The following SLC27A2 variants were observed in gnomAD, a reference collection of about 807,000 sequenced individuals.
SLC27A2 encodes long-chain fatty acid transport protein 2.
In SLC27A2, 54 loss-of-function variants were observed where a neutral mutation model predicts 60.0. That is an observed-to-expected ratio of 0.90 (90% CI 0.72 to 1.13). The LOEUF (loss-of-function observed/expected upper bound fraction) is 1.13, where lower values mean the gene tolerates loss of function less well. Ranked by LOEUF, SLC27A2 falls within the 50% of genes most tolerant of loss-of-function variation. The pLI is 0.00. For missense variants in SLC27A2, 739 were observed against 777.6 expected, an observed-to-expected ratio of 0.95 and a Z score of 0.59; for synonymous variants, 297 against 297.6, an observed-to-expected ratio of 1.00 and a Z score of 0.02.
chr15:50,185,664 C>G (rs1057174486), intron 1 of SLC27A2, among the ~76,000 whole-genome samples: 6 of 121,468 alleles, frequency 4.9e-5, no homozygotes, highest in Non-Finnish European at 8.0e-5. Context: ...GAATCTCGCT[C>G]TTTCGCCCAG....
chr15:50,226,005 C>A lies in SLC27A2; in HGVS notation c.1185C>A (p.Asp395Glu). The change falls in exon 6 of 10, where the codon GAC becomes GAA. Residue 395 changes from aspartate (D) to glutamate (E), a missense_variant. Coordinates refer to ENST00000267842, the MANE Select transcript of SLC27A2 (RefSeq NM_003645.4). The part of the protein sequence containing the change: ...NYLQKKIITY[D>E]LIKYDVEKDE... ...CTTGCTAGAAAATCATAACTTATGA[C>A]CTGATTAAATATGATGTGGAGAAAG... The A allele has an allele frequency of 1.9e-6, 3 of 1,596,978 alleles. No homozygotes were observed. Among genetic ancestry groups the A allele is most frequent in the Non-Finnish European group, 2.6e-6 (3 of 1,164,592 alleles).
intron 4 of SLC27A2, among the ~76,000 whole-genome samples, chr15:50,217,608 G>C (rs28715470): frequency 0.15 from 23,014 of 152,128 alleles, 1,796 homozygotes; most frequent in Middle Eastern, 0.18. Context: ...GTGCAGCCCA[G>C]CTAGCAGTAG....
intron 3 of SLC27A2, among the ~76,000 whole-genome samples, chr15:50,202,849 C>A (rs2140902411): frequency 1.3e-5 from 2 of 152,000 alleles, no homozygotes; most frequent in Non-Finnish European, 2.9e-5. Flanking sequence ...TAATGTAATG[C>A]TATAATTGTT....
chr15:50,196,053 C>CAAAAAAAAAAAAAATAAAAAAAA (rs1567428267), intron 1 of SLC27A2, among the ~76,000 whole-genome samples: 1 of 1,820 alleles, frequency 5.5e-4, no homozygotes, highest in South Asian at 0.028. Flanking sequence ...GACTCTGTCT[C>CAAAAAAAAAAAAAATAAAAAAAA]AAAAAAAAAA....
chr15:50,187,420 T>C (rs1424496025), intron 1 of SLC27A2, among the ~76,000 whole-genome samples: 1 of 152,248 alleles, frequency 6.6e-6, no homozygotes, highest in East Asian at 1.9e-4. Flanking sequence ...CAATATGGGA[T>C]ATTTTATAAA....
At chr15:50,206,247 A>G (rs1419734230) in intron 4 of SLC27A2, among the ~76,000 whole-genome samples, 2 of 152,072 alleles carry the variant, frequency 1.3e-5, no homozygotes, top group Non-Finnish European at 2.9e-5. Flanking sequence ...TGATCATCAA[A>G]ATGTCTCCAG....
chr15:50,200,361 G>C (rs2045054422), intron 2 of SLC27A2, among the ~76,000 whole-genome samples: 1 of 152,158 alleles, frequency 6.6e-6, no homozygotes, highest in Non-Finnish European at 1.5e-5. Context: ...TGAGGCTGTG[G>C]TGAGCCTTGA....
intron 2 of SLC27A2, 126 bp from the exon 3 acceptor site, chr15:50,202,361 G>A: frequency 2.2e-6 from 2 of 906,636 alleles, no homozygotes; most frequent in Non-Finnish European, 3.4e-6. Context: ...GGACTAACTG[G>A]TCATGGCCCT....
Position 50,233,916 on chromosome 15 carries a change from A to G in SLC27A2, c.1604A>G (p.His535Arg). 1.9e-6 allele frequency: 3 copies of G among 1,613,862 alleles called. No homozygotes were observed. Among genetic ancestry groups the G allele is most frequent in the South Asian group, 1.1e-5 (1 of 91,078 alleles). Residue 535 changes from histidine (H) to arginine (R), a missense_variant, in exon 9 of 10, where the codon CAT becomes CGT. Coordinates refer to ENST00000267842, the MANE Select transcript of SLC27A2 (RefSeq NM_003645.4). The part of the protein sequence containing the change: ...GMASIKMKEN[H>R]EFDGKKLFQH... ...GCCTCCATCAAAATGAAAGAAAACC[A>G]TGAATTTGATGGAAAGAAACTCTTT...
Position 50,189,036 on chromosome 15 carries a change from A to T in SLC27A2, c.478+6131A>T, listed in dbSNP as rs1229479253. Among the ~76,000 whole-genome samples the T allele has an allele frequency of 5.8e-3, 869 of 150,030 alleles. 10 individuals carry two copies. The highest frequency in any genetic ancestry group is 0.02 in the African/African-American group (815 of 40,694). On this transcript the variant is annotated intron_variant, in intron 1 of 9. Coordinates refer to ENST00000267842, the MANE Select transcript of SLC27A2 (RefSeq NM_003645.4). The stretch of plus-strand genomic sequence containing the variant: ...ATAGATAGATAGATAGATGCATACA[A>T]ACATACATACATACATACATACATA...
At chr15:50,208,395 T>C (rs1037821854) in intron 4 of SLC27A2, among the ~76,000 whole-genome samples, 4 of 152,176 alleles carry the variant, frequency 2.6e-5, no homozygotes, top group Non-Finnish European at 4.4e-5. Context: ...GACTCTGGCA[T>C]TGGAGCAGGA....
chr15:50,206,911 C>T (rs946696658), intron 4 of SLC27A2, among the ~76,000 whole-genome samples: 3 of 152,154 alleles, frequency 2.0e-5, no homozygotes, highest in East Asian at 1.9e-4. Context: ...AATAGATTCT[C>T]GAGGATCATC....
chr15:50,218,514 A>C (rs893032353), intron 4 of SLC27A2, among the ~76,000 whole-genome samples: 5 of 152,206 alleles, frequency 3.3e-5, no homozygotes, highest in African/African-American at 1.2e-4. Context: ...GATGAAATTT[A>C]AGACTACCAA....
At chr15:50,202,363 C>A in intron 2 of SLC27A2, 124 bp from the exon 3 acceptor site, 1 of 925,714 alleles carries the variant, frequency 1.1e-6, no homozygotes, top group South Asian at 1.6e-5. Flanking sequence ...ACTAACTGGT[C>A]ATGGCCCTTC....
chr15:50,200,917 G>A (rs1567429802), intron 2 of SLC27A2, among the ~76,000 whole-genome samples: 2 of 152,232 alleles, frequency 1.3e-5, no homozygotes, highest in Non-Finnish European at 2.9e-5. Flanking sequence ...GCACACTCAT[G>A]TATTGCTGAT....
intron 4 of SLC27A2, among the ~76,000 whole-genome samples, chr15:50,211,138 A>T (rs1045890752): frequency 1.3e-5 from 2 of 152,174 alleles, no homozygotes; most frequent in African/African-American, 4.8e-5. Flanking sequence ...ATTACAGCTG[A>T]TGCTTTCTGG....
At chr15:50,205,723 C>T (rs1020460122) in intron 4 of SLC27A2, among the ~76,000 whole-genome samples, 1 of 152,186 alleles carries the variant, frequency 6.6e-6, no homozygotes, top group African/African-American at 2.4e-5. Context: ...AGTCATTACT[C>T]TTCTCCCCTA....
chr15:50,195,422 C>T lies in SLC27A2; in HGVS notation c.479-2078C>T, dbSNP rs1488500532. Reference sequence around the variant, plus strand: ...AGGAGAATGCTGTGAACCCGGGAGGCGGAGCTTGCAGTGAGCCGAGATCGC... The same window carrying T: ...AGGAGAATGCTGTGAACCCGGGAGGTGGAGCTTGCAGTGAGCCGAGATCGC... On this transcript the variant is annotated intron_variant, in intron 1 of 9. Coordinates refer to ENST00000267842, the MANE Select transcript of SLC27A2 (RefSeq NM_003645.4). Among the ~76,000 whole-genome samples the T allele has an allele frequency of 5.9e-5, 9 of 151,770 alleles. No homozygotes were observed. The East Asian group carries it at 1.4e-3, about 23-fold the overall frequency.
intron 1 of SLC27A2, among the ~76,000 whole-genome samples, chr15:50,188,982 A>AATAGATAGATAGATAG (rs199573332): frequency 7.4e-6 from 1 of 135,422 alleles, no homozygotes; most frequent in Non-Finnish European, 1.6e-5. Context: ...TAGATAGATA[A>AATAGATAGATAGATAG]ATAGATAGAT....
Sources: gnomAD v4.1 joint callset for allele counts (sites outside exome capture counted in the v4.1 genomes callset) on GRCh38, gnomAD v4.1.1 for gene constraint, MANE v1.5 for transcripts, NCBI Gene and HGNC (gene_info 2026-07-23, HGNC 2026-07-21) for gene names.